URB1: variants seen among roughly 807,000 people sequenced by gnomAD.
URB1 encodes the protein nucleolar pre-ribosomal-associated protein 1.
Under a neutral mutation model 242.3 loss-of-function variants are expected in URB1, and 197 were observed. The observed-to-expected ratio is 0.81, with a 90% CI of 0.72 to 0.91. The LOEUF is 0.91. Among genes scored for constraint, URB1 ranks in the 40% least tolerant of loss-of-function variants. The pLI is 0.00. For synonymous variants in URB1, 1,153 were observed against 1,201.8 expected, an observed-to-expected ratio of 0.96 and a Z score of 0.84; for missense variants, 2,721 against 2,860.5, an observed-to-expected ratio of 0.95 and a Z score of 1.11.
intron 30 of URB1, 88 bp downstream of exon 30, chr21:32,333,229 G>T: frequency 9.5e-7 from 1 of 1,051,312 alleles, no homozygotes; most frequent in Non-Finnish European, 1.4e-6. Flanking sequence ...GTCCTCATGT[G>T]GTAATTATGG....
chr21:32,337,901 G>A (rs1196355967), intron 26 of URB1, among the ~76,000 whole-genome samples: 1 of 151,982 alleles, frequency 6.6e-6, no homozygotes, highest in Non-Finnish European at 1.5e-5. Flanking sequence ...TTCAGTCCCT[G>A]CGCATTCCCC....
At chr21:32,391,564 G>T in intron 1 of URB1, among the ~76,000 whole-genome samples, 1 of 152,086 alleles carries the variant, frequency 6.6e-6, no homozygotes, top group East Asian at 1.9e-4. Flanking sequence ...CCCCACAATG[G>T]CAGAGGCTTT....
rs1417865925 is a variant in URB1 at position 32,317,757 on chromosome 21, A to C, written c.5953T>G (p.Trp1985Gly). The C allele has an allele frequency of 6.4e-7, 1 of 1,551,798 alleles. No homozygotes were observed. ...TKDVLVLLHK[W>G]SLIERDLKLQ... ...TTGAGGTCTCTTTCAATGAGGCTCC[A>C]CTTGTGCAAGAGGACAAGGACGTCC... is the stretch of plus-strand genomic sequence containing the variant. Residue 1985 changes from tryptophan to glycine, a missense_variant, in exon 37 of 39, where the codon TGG (tryptophan) becomes GGG (glycine). Trp to Gly is a radical substitution (Grantham distance 184). Coordinates refer to ENST00000382751, the MANE Select transcript of URB1 (RefSeq NM_014825.3).
chr21:32,338,645 G>C (rs368288597), intron 26 of URB1, 62 bp downstream of exon 26: 20 of 1,529,480 alleles, frequency 1.3e-5, no homozygotes, highest in East Asian at 4.9e-5. Flanking sequence ...AGTGCAGCCA[G>C]TGTAAGGAAA....
Position 32,354,999 on chromosome 21 carries a change from T to G in URB1, c.2107-2A>C. 1 of 1,547,614 alleles carries G rather than the reference T, an allele frequency of 6.5e-7. No homozygotes were observed. Among genetic ancestry groups the G allele is most frequent in the Non-Finnish European group, 8.7e-7 (1 of 1,143,874 alleles). On this transcript the variant is annotated splice_acceptor_variant, in intron 16 of 38. Coordinates refer to ENST00000382751, the MANE Select transcript of URB1 (RefSeq NM_014825.3). LOFTEE classifies it high-confidence loss of function. ...ATTCGCCACCAATGTCAATAAAATC[T>G]GGGCATTAAAGAGCCAAATAGAAAG... is the stretch of plus-strand genomic sequence containing the variant.
chr21:32,315,314 T>TAAAA (rs66474832), intron 38 of URB1, among the ~76,000 whole-genome samples: 14 of 136,468 alleles, frequency 1.0e-4, no homozygotes, highest in Non-Finnish European at 1.6e-5. Flanking sequence ...TTCTTTTCTT[T>TAAAA]AAAAAAAAAA....
chr21:32,379,263 G>C (rs923785599), intron 4 of URB1, among the ~76,000 whole-genome samples: 2 of 152,212 alleles, frequency 1.3e-5, no homozygotes, highest in Non-Finnish European at 2.9e-5. Context: ...TCCTCGTTTT[G>C]TATCTAAGGA....
chr21:32,322,456 C>T lies in URB1; in HGVS notation c.5340+22G>A, dbSNP rs764736104. Reference sequence around the variant, plus strand: ...ATCAATTCAGGGGCCTGCAGAAAGCCGTGAGGACTCTGGAAGCATACCTCA... The same window carrying T: ...ATCAATTCAGGGGCCTGCAGAAAGCTGTGAGGACTCTGGAAGCATACCTCA... On this transcript the variant is annotated intron_variant, in intron 33 of 38. Coordinates refer to ENST00000382751, the MANE Select transcript of URB1 (RefSeq NM_014825.3). 37 of 1,542,226 alleles carry T rather than the reference C, an allele frequency of 2.4e-5. No homozygotes were observed. The South Asian group carries it at 3.8e-4, about 16-fold the overall frequency.
At chr21:32,376,865 G>T (rs968343280) in intron 5 of URB1, among the ~76,000 whole-genome samples, 2 of 151,952 alleles carry the variant, frequency 1.3e-5, no homozygotes. Context: ...TCACTATGTT[G>T]TCCAGGATGG....
At chr21:32,374,253 T>C (rs578216811) in intron 6 of URB1, among the ~76,000 whole-genome samples, 18 of 152,336 alleles carry the variant, frequency 1.2e-4, no homozygotes, top group Admixed American at 2.6e-4. Flanking sequence ...TCCTTGAACA[T>C]AGTCTTCATT....
intron 19 of URB1, among the ~76,000 whole-genome samples, chr21:32,351,227 G>A (rs1269221953): frequency 1.3e-5 from 2 of 152,192 alleles, no homozygotes; most frequent in African/African-American, 2.4e-5. Flanking sequence ...GTGTGACAGA[G>A]GCAGGATGTG....
At chr21:32,333,785 T>C (rs1476781117) in intron 29 of URB1, among the ~76,000 whole-genome samples, 4 of 152,226 alleles carry the variant, frequency 2.6e-5, no homozygotes. Context: ...TTAGAGATTC[T>C]CAACCTGTAT....
At chr21:32,390,938 T>C (rs372551173) in intron 1 of URB1, among the ~76,000 whole-genome samples, 57 of 152,308 alleles carry the variant, frequency 3.7e-4, no homozygotes, top group African/African-American at 1.3e-3. Context: ...TGTGGCACTA[T>C]TCACAATAGC....
rs139988138 is a variant in URB1, at chr21:32,368,577, C to T, written c.1023G>A (p.Leu341=). Residue 341 remains leucine (L), a synonymous_variant, in exon 9 of 39, where the codon TTG becomes TTA. Coordinates refer to ENST00000382751, the MANE Select transcript of URB1 (RefSeq NM_014825.3). ...TFGRGGNLTL[L]HFLLGLKTAA... is the part of the protein sequence containing the mutation. ...CAGTTTTCAAACCCAGCAAGAAGTG[C>T]AAGAGTGTCAGGTTTCCGCCTCTGT... 1.3e-6 allele frequency: 2 copies of T among 1,550,890 alleles called. No individual in the cohort carries two copies. The highest frequency in any genetic ancestry group is 1.7e-6 in the Non-Finnish European group (2 of 1,146,654).
chr21:32,370,421 G>A (rs2033393997), intron 8 of URB1, among the ~76,000 whole-genome samples: 1 of 152,090 alleles, frequency 6.6e-6, no homozygotes, highest in South Asian at 2.1e-4. Flanking sequence ...CAAATGAAAA[G>A]GATATTAAAT....
rs1243557173 is a variant in URB1, at chr21:32,355,579, G to C, written c.1990-14C>G. 3.2e-6 allele frequency: 5 copies of C among 1,546,510 alleles called. No homozygotes were observed. The highest frequency in any genetic ancestry group is 3.5e-6 in the Non-Finnish European group (4 of 1,142,342). On this transcript the variant is annotated splice_polypyrimidine_tract_variant and intron_variant, in intron 15 of 38. Transcript: ENST00000382751. ...GTCCCGCAGAATCTGCCAGGAAGTA[G>C]GCACCGGTGAAAAAGTCAGAACAGA... is the stretch of plus-strand genomic sequence containing the variant.
At chr21:32,360,914 G>T in intron 13 of URB1, 93 bp downstream of exon 13, 1 of 839,886 alleles carries the variant, frequency 1.2e-6, no homozygotes, top group Non-Finnish European at 1.8e-6. Flanking sequence ...GCAGCCAACC[G>T]TCCACCAGCC....
intron 1 of URB1, among the ~76,000 whole-genome samples, chr21:32,385,980 C>T (rs768050485): frequency 1.3e-5 from 2 of 151,964 alleles, no homozygotes; most frequent in Non-Finnish European, 2.9e-5. Flanking sequence ...GGTGAAACCC[C>T]CTCTCTACTA....
At chr21:32,320,871 C>T (rs2032757005) in intron 34 of URB1, among the ~76,000 whole-genome samples, 1 of 152,204 alleles carries the variant, frequency 6.6e-6, no homozygotes, top group East Asian at 1.9e-4. Context: ...GGGATCCCCA[C>T]TTCCGTTAAT....
Sources: gnomAD v4.1 joint callset for allele counts (sites outside exome capture counted in the v4.1 genomes callset) on GRCh38, gnomAD v4.1.1 for gene constraint, MANE v1.5 for transcripts, NCBI Gene and HGNC (gene_info 2026-07-23, HGNC 2026-07-21) for gene names.